CTSZ: variants seen among roughly 807,000 people sequenced by gnomAD.
CTSZ encodes the protein carboxypeptidase LB.
CTSZ carries 39 observed loss-of-function variants against 32.4 expected under a neutral mutation model. The ratio of observed to expected loss-of-function variants is 1.20; its 90% CI spans 0.93 to 1.57. The LOEUF (loss-of-function observed/expected upper bound fraction) is 1.57. Among genes scored for constraint, CTSZ ranks in the 40% most tolerant of loss-of-function variants. CTSZ has a pLI of 0.00. For missense variants in CTSZ, 397 were observed against 419.6 expected, an observed-to-expected ratio of 0.95 and a Z score of 0.47; for synonymous variants, 168 against 170.1, an observed-to-expected ratio of 0.99 and a Z score of 0.10.
At chr20:58,996,614 C>A in intron 5 of CTSZ, 25 bp downstream of exon 5, 6 of 1,612,536 alleles carry the variant, frequency 3.7e-6, no homozygotes, top group Non-Finnish European at 4.2e-6. Flanking sequence ...CTAGGAATGA[C>A]CTTAAGAAAA....
chr20:58,995,732 T>C lies in CTSZ; in HGVS notation c.829A>G (p.Thr277Ala), dbSNP rs1212287645. 1 of 1,614,112 alleles carries C rather than the reference T, an allele frequency of 6.2e-7. No individual in the cohort carries two copies. The highest frequency in any genetic ancestry group is 1.1e-5 in the South Asian group (1 of 91,080). The change falls in exon 6 of 6, where the codon ACC becomes GCC. Residue 277 changes from threonine (T) to alanine (A), a missense_variant. Physicochemically the swap from Thr to Ala is moderately conservative, Grantham distance 58 (BLOSUM62 0). Transcript: ENST00000217131. ...WGERGWLRIV[T>A]STYKDGKGAR... Reference sequence around the variant, plus strand: ...CCCTTCCCATCCTTATAGGTGCTGGTCACGATCCTCAGCCAGCCTCTCTCG... The same window carrying C: ...CCCTTCCCATCCTTATAGGTGCTGGCCACGATCCTCAGCCAGCCTCTCTCG...
At chr20:59,001,419 G>A in intron 3 of CTSZ, 46 bp downstream of exon 3, 2 of 1,563,228 alleles carry the variant, frequency 1.3e-6, no homozygotes, top group South Asian at 1.2e-5. Flanking sequence ...GTGGAAGAGG[G>A]AGTGGAGGGC....
At position 59,004,343 on chromosome 20, in the gene CTSZ, G is replaced by C. The variant is rs2091900882; in HGVS notation, c.307+1979C>G. Among the ~76,000 whole-genome samples the C allele has an allele frequency of 6.6e-6, 1 of 152,092 alleles. No individual in the cohort carries two copies. The highest frequency in any genetic ancestry group is 6.5e-5 in the Admixed American group (1 of 15,284). On this transcript the variant is annotated intron_variant, in intron 2 of 5. Coordinates refer to ENST00000217131, the MANE Select transcript of CTSZ (RefSeq NM_001336.4). The surrounding 1 kb of genome is among the most constrained non-coding windows in gnomAD (Gnocchi z 5.6). Reference sequence around the variant, plus strand: ...AGCAGACAGCTGGGGAGAGGGGAAGGAGTGGCCAGGGAGGTGGAGGCGGGC... The same window carrying C: ...AGCAGACAGCTGGGGAGAGGGGAAGCAGTGGCCAGGGAGGTGGAGGCGGGC...
Position 59,006,331 on chromosome 20 carries a change from C to G in CTSZ, c.298G>C (p.Ala100Pro). 1 of 1,609,410 alleles carries G rather than the reference C, an allele frequency of 6.2e-7. No individual in the cohort carries two copies. Among genetic ancestry groups the G allele is most frequent in the African/African-American group, 1.3e-5 (1 of 75,002 alleles). ...AAGGGCGGCCACTCACCCGCCATAG[C>G]GCTGGTGCTGGCGTGGGCCCAGCAG... is the stretch of plus-strand genomic sequence containing the variant. ...GSCWAHASTS[A>P]MADRINIKRK... The change falls in exon 2 of 6, where the codon GCT (alanine) becomes CCT (proline). Residue 100 changes from alanine (A) to proline (P), a missense_variant. Coordinates refer to ENST00000217131, the MANE Select transcript of CTSZ (RefSeq NM_001336.4).
rs1272108051 is a variant in CTSZ, at chr20:59,002,497, G to A, written c.308-853C>T. On this transcript the variant is annotated intron_variant, in intron 2 of 5. Transcript: ENST00000217131. The surrounding 1 kb of genome is among the most constrained non-coding windows in gnomAD (Gnocchi z 4.1). ...CAGCCTCACCTGTCCCTCCCCCAGG[G>A]CACAATGAGCAGGGAGTCCCTCTGC... Among the ~76,000 whole-genome samples the A allele has an allele frequency of 6.6e-6, 1 of 151,900 alleles. No homozygotes were observed. Among genetic ancestry groups the A allele is most frequent in the Non-Finnish European group, 1.5e-5 (1 of 67,944 alleles).
rs761977049 is a variant in CTSZ, at chr20:58,995,747, A to G, written c.814T>C (p.Trp272Arg). ...TAGGTGCTGGTCACGATCCTCAGCC[A>G]GCCTCTCTCGCCCTGTGAGAAGTGG... ...SWGEPWGERG[W>R]LRIVTSTYKD... is the part of the protein sequence containing the mutation. Residue 272 changes from tryptophan (W) to arginine (R), a missense_variant, in exon 6 of 6, where the codon TGG (tryptophan) becomes CGG (arginine). Physicochemically the swap from Trp to Arg is moderately radical, Grantham distance 101. Transcript: ENST00000217131. 2.5e-6 allele frequency: 4 copies of G among 1,614,076 alleles called. No homozygotes were observed. Among genetic ancestry groups the G allele is most frequent in the Non-Finnish European group, 3.4e-6 (4 of 1,180,000 alleles).
At position 59,001,464 on chromosome 20, in the gene CTSZ, C is replaced by T; in HGVS notation, c.487+1G>A. 1.9e-6 allele frequency: 3 copies of T among 1,610,142 alleles called. No individual in the cohort carries two copies. The highest frequency in any genetic ancestry group is 1.7e-6 in the Non-Finnish European group (2 of 1,177,334). ...GAGTGGGGGCACGGGCAGCAGCCTACCCTGGTCCTTGGCCTGGTAGTTGTT... is the reference window on the plus strand; with the variant it reads ...GAGTGGGGGCACGGGCAGCAGCCTATCCTGGTCCTTGGCCTGGTAGTTGTT... On this transcript the variant is annotated splice_donor_variant, in intron 3 of 5. Transcript: ENST00000217131. LOFTEE classifies it high-confidence loss of function.
intron 2 of CTSZ, among the ~76,000 whole-genome samples, chr20:59,005,221 G>A (rs2091904475): frequency 6.6e-6 from 1 of 152,132 alleles, no homozygotes; most frequent in African/African-American, 2.4e-5. Context: ...CCCCGGGGGA[G>A]ACGCCACGGA....
intron 3 of CTSZ, among the ~76,000 whole-genome samples, chr20:59,000,546 G>A (rs1427175923): frequency 3.3e-5 from 5 of 152,166 alleles, no homozygotes; most frequent in African/African-American, 7.2e-5. Context: ...GGCCGTAGCC[G>A]CACCTGAATG....
At chr20:59,005,002 G>A (rs2091903648) in intron 2 of CTSZ, among the ~76,000 whole-genome samples, 1 of 152,028 alleles carries the variant, frequency 6.6e-6, no homozygotes, top group Non-Finnish European at 1.5e-5. Flanking sequence ...GGCACCTGTT[G>A]ACCTTTCTAT....
intron 2 of CTSZ, among the ~76,000 whole-genome samples, chr20:59,005,730 G>C (rs1017008215): frequency 2.6e-5 from 4 of 152,176 alleles, no homozygotes; most frequent in African/African-American, 9.7e-5. Flanking sequence ...GCCTGGGGCT[G>C]GTTTGCAGCT....
At position 59,006,349 on chromosome 20, in the gene CTSZ, C is replaced by T. The variant is rs757910431; in HGVS notation, c.280G>A (p.Ala94Thr). The T allele has an allele frequency of 2.5e-6, 4 of 1,612,824 alleles. No homozygotes were observed. In the South Asian group the frequency reaches 3.3e-5, roughly 13 times the overall value. The change falls in exon 2 of 6, where the codon GCC (alanine) becomes ACC (threonine). Residue 94 changes from alanine (A) to threonine (T), a missense_variant. Coordinates refer to ENST00000217131, the MANE Select transcript of CTSZ (RefSeq NM_001336.4). Reference sequence around the variant, plus strand: ...GCCATAGCGCTGGTGCTGGCGTGGGCCCAGCAGGAGCCGCAGTATTGGGGG... The same window carrying T: ...GCCATAGCGCTGGTGCTGGCGTGGGTCCAGCAGGAGCCGCAGTATTGGGGG... ...HIPQYCGSCW[A>T]HASTSAMADR...
At chr20:58,997,184 A>G (rs895768688) in intron 4 of CTSZ, among the ~76,000 whole-genome samples, 10 of 139,698 alleles carry the variant, frequency 7.2e-5, no homozygotes, top group African/African-American at 2.4e-4. Context: ...AAAAAAAAAA[A>G]TCTGGTATGA....
Position 59,007,159 on chromosome 20 carries a change from GGATCCCGCTCCGAGTCCCA to G in CTSZ, c.-50_-32del. 7.6e-7 allele frequency: 1 copy of G among 1,319,524 alleles called. No individual in the cohort carries two copies. Among genetic ancestry groups the G allele is most frequent in the African/African-American group, 1.5e-5 (1 of 64,626 alleles). 81.7% of individuals were successfully genotyped at this position (1,319,524 alleles called of 1,614,324 possible). On this transcript the variant is annotated 5_prime_UTR_variant, in exon 1 of 6. Coordinates refer to ENST00000217131, the MANE Select transcript of CTSZ (RefSeq NM_001336.4). The stretch of plus-strand genomic sequence containing the variant: ...CGCGCCGGCTCCTGGGTCCCGCTCC[GGATCCCGCTCCGAGTCCCA>G]GATCCCGCGCCGGCTCCCGCTCTGG...
At chr20:59,006,140 G>C in intron 2 of CTSZ, 182 bp downstream of exon 2, 1 of 707,126 alleles carries the variant, frequency 1.4e-6, no homozygotes, top group South Asian at 2.0e-5. Context: ...GCCCCAGAAT[G>C]ACCCAGCTTG....
rs185770867 is a variant in CTSZ at position 59,003,814 on chromosome 20, C to T, written c.308-2170G>A. 9.9e-4 allele frequency among the ~76,000 whole-genome samples: 150 copies of T among 152,096 alleles called. 1 individual carries two copies. Among genetic ancestry groups the T allele is most frequent in the African/African-American group, 3.5e-3 (145 of 41,492 alleles). On this transcript the variant is annotated intron_variant, in intron 2 of 5. Coordinates refer to ENST00000217131, the MANE Select transcript of CTSZ (RefSeq NM_001336.4). Reference sequence around the variant, plus strand: ...AGCAAGGGCGGACTGGGAGGGAGCCCGATGGTGAAGGCTCTTGAAGGCCAG... The same window carrying T: ...AGCAAGGGCGGACTGGGAGGGAGCCTGATGGTGAAGGCTCTTGAAGGCCAG...
At position 58,997,669 on chromosome 20, in the gene CTSZ, C is replaced by A; in HGVS notation, c.572G>T (p.Gly191Val). The A allele has an allele frequency of 6.2e-7, 1 of 1,609,970 alleles. No homozygotes were observed. Among genetic ancestry groups the A allele is most frequent in the Non-Finnish European group, 8.5e-7 (1 of 1,178,134 alleles). Residue 191 changes from glycine (G) to valine (V), a missense_variant, in exon 4 of 6, where the codon GGA becomes GTA. Coordinates refer to ENST00000217131, the MANE Select transcript of CTSZ (RefSeq NM_001336.4). ...CCTCCCAGAGAGGGAGCCGTAGTCT[C>A]CCACCCTCCAGAGGGTGTAGTTCCG... ...AIRNYTLWRVGDYGSLSGREK... is the reference protein window; with the variant it reads ...AIRNYTLWRVVDYGSLSGREK...
At chr20:58,997,506 G>A in intron 4 of CTSZ, 97 bp downstream of exon 4, 2 of 1,261,530 alleles carry the variant, frequency 1.6e-6, no homozygotes, top group Non-Finnish European at 2.1e-6. Context: ...CACTGGCGCT[G>A]TCACCGCGGA....
chr20:59,003,850 C>T (rs1223831922), intron 2 of CTSZ, among the ~76,000 whole-genome samples: 1 of 152,078 alleles, frequency 6.6e-6, no homozygotes, highest in Non-Finnish European at 1.5e-5. Flanking sequence ...AGGGTTCTGT[C>T]TTTTATCTGA....
Sources: allele counts gnomAD v4.1 joint callset (sites outside exome capture counted in the v4.1 genomes callset), GRCh38; gene constraint gnomAD v4.1.1; non-coding constraint Gnocchi (gnomAD v3.1); transcripts MANE v1.5; gene names NCBI Gene and HGNC (gene_info 2026-07-23, HGNC 2026-07-21).